Variants in REV1 observed in about 807,000 individuals in gnomAD.
REV1 encodes translesion synthesis protein REV1.
Under a neutral mutation model 137.4 loss-of-function variants are expected in REV1, and 42 were observed. The observed-to-expected ratio is 0.31, with a 90% confidence interval of 0.24 to 0.40. REV1 has a LOEUF of 0.40. REV1 is among the 10% of genes least tolerant of loss of function. The pLI is 1.00. For synonymous variants in REV1, 524 were observed against 519.2 expected (o/e 1.01, Z -0.12); for missense variants, 1,282 against 1,490.1 (o/e 0.86, Z 2.30).
rs769417262 is a variant in REV1, at chr2:99,412,865, G to C, written c.2038C>G (p.Gln680Glu). 1.2e-6 allele frequency: 2 copies of C among 1,614,066 alleles called. No individual in the cohort carries two copies. Among genetic ancestry groups the C allele is most frequent in the Non-Finnish European group, 1.7e-6 (2 of 1,179,978 alleles). ...CCTGTTTTGGGACCAAATTCTTTTT[G>C]GAGTTTTGCCATGGTCATATACTGC... Reference protein sequence around the residue: ...DLQYMTMAKLQKEFGPKTGQM... With the variant: ...DLQYMTMAKLEKEFGPKTGQM... The change falls in exon 13 of 23, where the codon CAA becomes GAA. Residue 680 changes from glutamine (Q) to glutamate (E), a missense_variant. Gln to Glu is a conservative substitution (Grantham distance 29). Transcript: ENST00000258428.
chr2:99,462,411 G>C, intron 3 of REV1, 85 bp downstream of exon 3: 1 of 1,238,632 alleles, frequency 8.1e-7, no homozygotes, highest in Admixed American at 2.3e-5. Flanking sequence ...TATAATAAAT[G>C]AGTAAAAATA....
At chr2:99,427,412 T>C (rs1679532096) in intron 9 of REV1, among the ~76,000 whole-genome samples, 1 of 152,320 alleles carries the variant, frequency 6.6e-6, no homozygotes, top group Admixed American at 6.5e-5. Flanking sequence ...ACTGTAAGTA[T>C]AGGCCAACTA....
intron 8 of REV1, chr2:99,431,909 C>T (rs1442339251): frequency 7.1e-6 from 7 of 985,202 alleles, no homozygotes; most frequent in African/African-American, 1.7e-5. Context: ...TGTGGAGGAA[C>T]GGTTGGAGAA....
intron 6 of REV1, among the ~76,000 whole-genome samples, chr2:99,437,566 T>C (rs1680920411): frequency 6.6e-6 from 1 of 152,184 alleles, no homozygotes; most frequent in African/African-American, 2.4e-5. Context: ...CATATAAACA[T>C]AATGCAAACA....
chr2:99,458,034 T>G (rs929977670), intron 3 of REV1, among the ~76,000 whole-genome samples: 5 of 152,126 alleles, frequency 3.3e-5, no homozygotes, highest in African/African-American at 9.6e-5. Context: ...ACATTTGGGA[T>G]CTAGCACCAA....
At chr2:99,402,821 A>G in intron 20 of REV1, 21 bp from the exon 21 acceptor site, 1 of 1,613,950 alleles carries the variant, frequency 6.2e-7, no homozygotes, top group African/African-American at 1.3e-5. Flanking sequence ...AACAAAGGAT[A>G]AAATTGCTAT....
chr2:99,485,245 T>C (rs974164363), intron 1 of REV1, among the ~76,000 whole-genome samples: 2 of 152,246 alleles, frequency 1.3e-5, no homozygotes, highest in Non-Finnish European at 2.9e-5. Flanking sequence ...ATTCAAGTTG[T>C]ATTAGCTGAA....
Position 99,434,379 on chromosome 2 carries a change from TG to T in REV1, c.1390del (p.Gln464SerfsTer12). 6.2e-7 allele frequency: 1 copy of T among 1,608,046 alleles called. No individual in the cohort carries two copies. Among genetic ancestry groups the T allele is most frequent in the African/African-American group, 1.3e-5 (1 of 74,766 alleles). On this transcript the variant is annotated frameshift_variant, in exon 8 of 23. Coordinates refer to ENST00000258428, the MANE Select transcript of REV1 (RefSeq NM_016316.4). LOFTEE classifies it high-confidence loss of function. ...RAPLRPGANP[Q>X]LEWQYYQNKI... Reference sequence around the variant, plus strand: ...ATTCTGGTAATACTGCCACTCCAGCTGGGGGTTAGCGCCAGGACGTAAAGGT... The same window carrying T: ...ATTCTGGTAATACTGCCACTCCAGCTGGGGTTAGCGCCAGGACGTAAAGGT...
At chr2:99,489,480 G>C (rs1687459402) in intron 1 of REV1, among the ~76,000 whole-genome samples, 1 of 148,530 alleles carries the variant, frequency 6.7e-6, no homozygotes, top group Non-Finnish European at 1.5e-5. Flanking sequence ...GATGCGGCCG[G>C]GCGCGGAGGG....
intron 22 of REV1, among the ~76,000 whole-genome samples, chr2:99,401,895 A>AC (rs28382976): frequency 0.61 from 92,842 of 151,670 alleles, 29,118 homozygotes; most frequent in African/African-American, 0.73. Context: ...GGGCACCACC[A>AC]CCCCCCCAGA....
At chr2:99,445,702 G>A (rs1575126078) in intron 4 of REV1, among the ~76,000 whole-genome samples, 1 of 152,188 alleles carries the variant, frequency 6.6e-6, no homozygotes, top group East Asian at 1.9e-4. Context: ...ATGTACAAGT[G>A]TGAGATTTAC....
intron 18 of REV1, among the ~76,000 whole-genome samples, chr2:99,404,210 C>G (rs760726976): frequency 1.3e-5 from 2 of 152,134 alleles, no homozygotes; most frequent in Non-Finnish European, 2.9e-5. Context: ...GTGTTTCTGT[C>G]TTAGCATGCC....
intron 1 of REV1, among the ~76,000 whole-genome samples, chr2:99,484,051 T>G (rs557078882): frequency 1.2e-3 from 182 of 152,322 alleles, no homozygotes; most frequent in African/African-American, 4.2e-3. Flanking sequence ...CACCTATGTG[T>G]TCCTCCTTAT....
chr2:99,425,246 A>G (rs1313580364), intron 9 of REV1, among the ~76,000 whole-genome samples: 1 of 152,160 alleles, frequency 6.6e-6, no homozygotes, highest in Non-Finnish European at 1.5e-5. Context: ...CAACATCCAG[A>G]CCATGAGAGC....
chr2:99,410,257 T>C (rs1178612540), intron 14 of REV1, among the ~76,000 whole-genome samples: 1 of 152,148 alleles, frequency 6.6e-6, no homozygotes. Flanking sequence ...GTGATCCAGC[T>C]GCCTCAGCCT....
intron 12 of REV1, among the ~76,000 whole-genome samples, chr2:99,415,655 CTTTAAT>C (rs1677754849): frequency 6.6e-6 from 1 of 152,206 alleles, no homozygotes; most frequent in East Asian, 1.9e-4. Context: ...TTTTATTTAA[CTTTAAT>C]TTAACTCATA....
chr2:99,460,622 T>C (rs1684074195), intron 3 of REV1, among the ~76,000 whole-genome samples: 1 of 152,222 alleles, frequency 6.6e-6, no homozygotes, highest in Non-Finnish European at 1.5e-5. Flanking sequence ...AATGCTGTTT[T>C]ATCTATAAAG....
Position 99,410,681 on chromosome 2 carries a change from T to C in REV1, c.2345+14A>G. The C allele has an allele frequency of 6.4e-7, 1 of 1,573,650 alleles. No homozygotes were observed. The highest frequency in any genetic ancestry group is 1.2e-5 in the South Asian group (1 of 84,056). On this transcript the variant is annotated intron_variant, in intron 14 of 22. Coordinates refer to ENST00000258428, the MANE Select transcript of REV1 (RefSeq NM_016316.4). ...GAAATATAATTACCAATATCATTTC[T>C]GAGGTGAGCTTACCTGGCAATGTTA...
intron 7 of REV1, among the ~76,000 whole-genome samples, 187 bp from the exon 8 acceptor site, chr2:99,434,635 T>C (rs941904824): frequency 1.3e-5 from 2 of 152,200 alleles, no homozygotes; most frequent in Admixed American, 6.5e-5. Flanking sequence ...TTAAGTTTCT[T>C]AGCACCTCCA....
Sources: gnomAD v4.1 joint callset for allele counts (sites outside exome capture counted in the v4.1 genomes callset) on GRCh38, gnomAD v4.1.1 for gene constraint, MANE v1.5 for transcripts, NCBI Gene and HGNC (gene_info 2026-07-23, HGNC 2026-07-21) for gene names.